The following POLR1D variants were observed in gnomAD, a reference collection of about 807,000 sequenced individuals.
The protein encoded by POLR1D is RNA polymerase I and III subunit D.
In POLR1D, 8 loss-of-function variants were observed where a neutral mutation model predicts 10.8. That is an observed-to-expected ratio of 0.74 (90% CI 0.43 to 1.33). The LOEUF is 1.33. Ranked by LOEUF, POLR1D falls within the 40% of genes most tolerant of loss-of-function variation. The probability of loss-of-function intolerance (pLI) is 0.01; values close to 1 mark genes in which losing one functional copy is unlikely to be tolerated. For synonymous variants in POLR1D, 54 were observed against 57.2 expected, an observed-to-expected ratio of 0.94 and a Z score of 0.25; for missense variants, 152 against 161.7, an observed-to-expected ratio of 0.94 and a Z score of 0.32.
intron 1 of POLR1D, among the ~76,000 whole-genome samples, chr13:27,640,058 T>C (rs1001717520): frequency 6.6e-6 from 1 of 152,168 alleles, no homozygotes; most frequent in Non-Finnish European, 1.5e-5. Context: ...CCTTATTTCC[T>C]TATCTATGAA....
chr13:27,630,116 T>C (rs1328011674), intron 1 of POLR1D, among the ~76,000 whole-genome samples: 1 of 152,104 alleles, frequency 6.6e-6, no homozygotes, highest in East Asian at 1.9e-4. Flanking sequence ...TTTCACCATA[T>C]TGGACAGGCT....
rs977217704 is a variant in POLR1D at position 27,651,027 on chromosome 13, T to C, written c.101+2574T>C. The stretch of plus-strand genomic sequence containing the variant: ...ATATTAGAAGGATTATAGAATAATA[T>C]TATCATCATTTGAGTTTCAACACAT... On this transcript the variant is annotated intron_variant, in intron 2 of 2. Coordinates refer to the POLR1D transcript ENST00000399697. 3.3e-5 allele frequency: 5 copies of C among 152,198 alleles called. No individual in the cohort carries two copies. In the South Asian group the frequency reaches 8.3e-4, roughly 25 times the overall value. 9.4% of individuals were successfully genotyped at this position (152,198 alleles called of 1,614,324 possible). A position where few individuals can be genotyped will look rare whatever the true frequency, so the allele number is the denominator to read the frequency against.
At chr13:27,654,100 G>A (rs146033971) in intron 2 of POLR1D, among the ~76,000 whole-genome samples, 28 of 152,278 alleles carry the variant, frequency 1.8e-4, no homozygotes, top group Admixed American at 3.3e-4. Flanking sequence ...TGTAAATTGC[G>A]TGATTTTAGC....
intron 2 of POLR1D, among the ~76,000 whole-genome samples, chr13:27,656,982 T>C (rs997163583): frequency 2.0e-5 from 3 of 152,174 alleles, no homozygotes; most frequent in African/African-American, 7.2e-5. Context: ...AAACCTGAGT[T>C]GTGGATCAAT....
At position 27,645,173 on chromosome 13, in the gene POLR1D, C is replaced by T. The variant is rs150236650; in HGVS notation, c.27-3206C>T. On this transcript the variant is annotated intron_variant, in intron 1 of 2. Transcript: ENST00000399697. Reference sequence around the variant, plus strand: ...TCTTAGGACAAAATAGTGATCAGTCCTCCTTCATTCCTTCCGCCTCTCCAG... The same window carrying T: ...TCTTAGGACAAAATAGTGATCAGTCTTCCTTCATTCCTTCCGCCTCTCCAG... Among the ~76,000 whole-genome samples, 514 of 152,302 alleles carry T rather than the reference C, an allele frequency of 3.4e-3. 1 individual carries two copies. Among genetic ancestry groups the T allele is most frequent in the African/African-American group, 0.012 (483 of 41,556 alleles).
At chr13:27,634,019 C>T (rs1222559588) in intron 1 of POLR1D, among the ~76,000 whole-genome samples, 1 of 152,176 alleles carries the variant, frequency 6.6e-6, no homozygotes, top group African/African-American at 2.4e-5. Flanking sequence ...TATTCTTTAT[C>T]AGACCTTGTA....
At chr13:27,631,685 T>C (rs1286189102) in intron 1 of POLR1D, among the ~76,000 whole-genome samples, 1 of 152,214 alleles carries the variant, frequency 6.6e-6, no homozygotes, top group African/African-American at 2.4e-5. Context: ...AAATATCTCC[T>C]TGGCGGCAAG....
At chr13:27,652,464 T>C (rs1018052571) in intron 2 of POLR1D, among the ~76,000 whole-genome samples, 3 of 152,202 alleles carry the variant, frequency 2.0e-5, no homozygotes, top group African/African-American at 4.8e-5. Context: ...CTTCCAGTTT[T>C]CCAAATCTCC....
rs770341695 is a variant in POLR1D, at chr13:27,623,293, C to A, written c.*43C>A. On this transcript the variant is annotated 3_prime_UTR_variant, in exon 2 of 2. Coordinates refer to ENST00000302979, the MANE Select transcript of POLR1D (RefSeq NM_015972.4). ...AAGGAGAACTGTCCTGTAGGATATT[C>A]TCTTCCTGATGGTGCAGAACCCAGA... 1.2e-6 allele frequency: 2 copies of A among 1,611,742 alleles called. No homozygotes were observed. Among genetic ancestry groups the A allele is most frequent in the African/African-American group, 1.3e-5 (1 of 74,894 alleles).
downstream of POLR1D, among the ~76,000 whole-genome samples, chr13:27,625,381 G>T (rs1385032989): frequency 2.0e-5 from 3 of 152,160 alleles, no homozygotes; most frequent in African/African-American, 7.2e-5. Context: ...AGGTAGGTTT[G>T]AGGTATATTT....
rs190867386 is a variant in POLR1D at position 27,623,397 on chromosome 13, A to C, written c.*147A>C. On this transcript the variant is annotated 3_prime_UTR_variant, in exon 2 of 2. Coordinates refer to ENST00000302979, the MANE Select transcript of POLR1D (RefSeq NM_015972.4). ...GCTGTTGACCCCTTGCAGCTGTTGG[A>C]ATCTCTGCAAGAACCTCTGTATTCT... 1.8e-5 allele frequency: 26 copies of C among 1,483,060 alleles called. No homozygotes were observed. In the East Asian group the frequency reaches 5.8e-4, roughly 33 times the overall value. 91.9% of individuals were successfully genotyped at this position (1,483,060 alleles called of 1,614,324 possible).
chr13:27,652,649 TCACTTG>T (rs1956275781), intron 2 of POLR1D, among the ~76,000 whole-genome samples: 1 of 69,720 alleles, frequency 1.4e-5, no homozygotes, highest in Non-Finnish European at 3.5e-5. Context: ...GGTGGGCGGA[TCACTTG>T]AGTCAGGAGT....
At chr13:27,661,815 A>C (rs2138573565) in intron 2 of POLR1D, among the ~76,000 whole-genome samples, 1 of 152,282 alleles carries the variant, frequency 6.6e-6, no homozygotes, top group East Asian at 1.9e-4. Flanking sequence ...TCTAGAGATC[A>C]CCCACCTACT....
intron 2 of POLR1D, among the ~76,000 whole-genome samples, chr13:27,654,048 C>A (rs1341511481): frequency 6.6e-6 from 1 of 152,172 alleles, no homozygotes; most frequent in Non-Finnish European, 1.5e-5. Context: ...CTTGAACGCT[C>A]CTTACAGAGC....
chr13:27,637,378 A>G (rs1391028044), intron 1 of POLR1D, among the ~76,000 whole-genome samples: 1 of 152,178 alleles, frequency 6.6e-6, no homozygotes, highest in East Asian at 1.9e-4. Context: ...GCATTGTACC[A>G]GAGCTCTACA....
Position 27,652,907 on chromosome 13 carries a change from A to ACTTCTTTTTT in POLR1D, c.101+4454_101+4455insCTTCTTTTTT, listed in dbSNP as rs1365436145. 1.3e-4 allele frequency among the ~76,000 whole-genome samples: 10 copies of ACTTCTTTTTT among 78,520 alleles called. 1 individual carries two copies. Among genetic ancestry groups the ACTTCTTTTTT allele is most frequent in the African/African-American group, 4.8e-4 (8 of 16,702 alleles). The allele number at this position is 78,520 out of a possible 152,430, so 51.5% of individuals were successfully genotyped here. ...AAACTTGCCAGAAGTTGCATTTACC[A>ACTTCTTTTTT]TTTCTTTTTTTTTTTTTTTTTTTTT... On this transcript the variant is annotated intron_variant, in intron 2 of 2. Transcript: ENST00000399697.
chr13:27,651,891 A>G (rs1228499992), intron 2 of POLR1D, among the ~76,000 whole-genome samples: 2 of 152,234 alleles, frequency 1.3e-5, no homozygotes, highest in Non-Finnish European at 2.9e-5. Flanking sequence ...AATGTGTATG[A>G]AAACACCCAG....
At chr13:27,665,720 T>C (rs1326318347) in exon 3 of POLR1D, 1 of 1,613,952 alleles carries the variant, frequency 6.2e-7, no homozygotes, top group Non-Finnish European at 8.5e-7. Flanking sequence ...CAATAAAAGA[T>C]TTCTAATTAA....
At chr13:27,639,932 T>C (rs1045311829) in intron 1 of POLR1D, among the ~76,000 whole-genome samples, 2 of 152,184 alleles carry the variant, frequency 1.3e-5, no homozygotes, top group African/African-American at 4.8e-5. Flanking sequence ...AGAGCCGTAG[T>C]GTAAGGATTA....
Sources: gnomAD v4.1 joint callset for allele counts (sites outside exome capture counted in the v4.1 genomes callset) on GRCh38, gnomAD v4.1.1 for gene constraint, MANE v1.5 for transcripts, NCBI Gene and HGNC (gene_info 2026-07-23, HGNC 2026-07-21) for gene names.